Variants in RETREG1 observed in about 807,000 individuals in gnomAD.
The protein encoded by RETREG1 is reticulophagy regulator 1, also known as family with sequence similarity 134 member B.
In RETREG1, 44 loss-of-function variants were observed where a neutral mutation model predicts 54.8. That is an observed-to-expected ratio of 0.80 (90% CI 0.63 to 1.03). RETREG1 has a LOEUF of 1.03. Among genes scored for constraint, RETREG1 ranks in the 50% least tolerant of loss-of-function variants. RETREG1 has a pLI of 0.00. For missense variants in RETREG1, 554 were observed against 605.1 expected (o/e 0.92, Z 0.89); for synonymous variants, 217 against 238.5 (o/e 0.91, Z 0.83).
chr5:16,603,807 C>A (rs1743111467), intron 1 of RETREG1, among the ~76,000 whole-genome samples: 2 of 152,096 alleles, frequency 1.3e-5, no homozygotes, highest in Non-Finnish European at 1.5e-5. Flanking sequence ...CAGCTAAGAA[C>A]AGGCCAGAGC....
chr5:16,481,190 T>A, intron 4 of RETREG1, 97 bp from the exon 5 acceptor site: 1 of 922,496 alleles, frequency 1.1e-6, no homozygotes, highest in Non-Finnish European at 1.7e-6. Flanking sequence ...TAGTGACCGG[T>A]ATAAGTGACC....
intron 1 of RETREG1, among the ~76,000 whole-genome samples, chr5:16,608,626 C>G (rs547719937): frequency 1.3e-5 from 2 of 152,314 alleles, no homozygotes; most frequent in South Asian, 4.1e-4. Flanking sequence ...GTCTCCTAAA[C>G]CAGTGGGTAG....
intron 3 of RETREG1, among the ~76,000 whole-genome samples, chr5:16,544,275 C>T (rs1382379528): frequency 6.6e-6 from 1 of 152,148 alleles, no homozygotes; most frequent in Non-Finnish European, 1.5e-5. Flanking sequence ...CATGCCCAGC[C>T]TATTGCCAAG....
chr5:16,496,176 C>G (rs982057598), intron 3 of RETREG1, among the ~76,000 whole-genome samples: 2 of 152,112 alleles, frequency 1.3e-5, no homozygotes, highest in African/African-American at 4.8e-5. Context: ...ATGCATTTGA[C>G]TTAATTTTCA....
chr5:16,606,737 T>C (rs978942649), intron 1 of RETREG1, among the ~76,000 whole-genome samples: 5 of 152,068 alleles, frequency 3.3e-5, no homozygotes, highest in African/African-American at 1.2e-4. Context: ...CCAACCCCAC[T>C]TACCTTGGCT....
chr5:16,515,562 T>C (rs1434943030), intron 3 of RETREG1, among the ~76,000 whole-genome samples: 2 of 152,164 alleles, frequency 1.3e-5, no homozygotes, highest in Non-Finnish European at 2.9e-5. Flanking sequence ...TTTCTAGCAA[T>C]AACTCACTTG....
At chr5:16,513,385 G>T (rs151052893) in intron 3 of RETREG1, among the ~76,000 whole-genome samples, 36 of 152,304 alleles carry the variant, frequency 2.4e-4, no homozygotes, top group Non-Finnish European at 4.9e-4. Context: ...AAGGCAAATG[G>T]ACACATGTCT....
intron 3 of RETREG1, among the ~76,000 whole-genome samples, chr5:16,540,259 T>C (rs954687329): frequency 3.9e-5 from 6 of 152,260 alleles, no homozygotes; most frequent in African/African-American, 9.6e-5. Context: ...ATCCTATTGA[T>C]GCAGTTGAAG....
chr5:16,476,537 T>C (rs953738767), intron 8 of RETREG1, among the ~76,000 whole-genome samples: 2 of 152,136 alleles, frequency 1.3e-5, no homozygotes, highest in African/African-American at 4.8e-5. Context: ...AAAGAAAATG[T>C]GGTACACATA....
chr5:16,512,813 A>G (rs1181471776), intron 3 of RETREG1, among the ~76,000 whole-genome samples: 93 of 152,300 alleles, frequency 6.1e-4, no homozygotes, highest in Non-Finnish European at 1.9e-4. Flanking sequence ...TGTTGGAGCC[A>G]AATGAGGCCT....
chr5:16,492,082 C>G (rs896698062), intron 3 of RETREG1, among the ~76,000 whole-genome samples: 3 of 151,992 alleles, frequency 2.0e-5, no homozygotes, highest in African/African-American at 7.3e-5. Context: ...TGGGCCCTGA[C>G]GAATATCCAA....
At chr5:16,496,163 C>G (rs1739448509) in intron 3 of RETREG1, among the ~76,000 whole-genome samples, 1 of 152,180 alleles carries the variant, frequency 6.6e-6, no homozygotes, top group Non-Finnish European at 1.5e-5. Context: ...CTTACTCTCT[C>G]CAATGCATTT....
rs1579587348 is a variant in RETREG1, at chr5:16,483,120, T to C, written c.585+226A>G. The stretch of plus-strand genomic sequence containing the variant: ...TTTTAGCTAATGAGCTAGATAAATA[T>C]ATATAAAATGTAAAACCAATCCAAT... On this transcript the variant is annotated intron_variant, in intron 4 of 8. Transcript: ENST00000306320. 1.7e-5 allele frequency: 9 copies of C among 524,828 alleles called. No homozygotes were observed. In the East Asian group the frequency reaches 2.0e-4, roughly 12 times the overall value. 32.5% of individuals were successfully genotyped at this position (524,828 alleles called of 1,614,324 possible). A position where few individuals can be genotyped will look rare whatever the true frequency, so the allele number is the denominator to read the frequency against.
intron 3 of RETREG1, among the ~76,000 whole-genome samples, chr5:16,518,849 T>C (rs1231711176): frequency 6.6e-6 from 1 of 152,190 alleles, no homozygotes; most frequent in Non-Finnish European, 1.5e-5. Context: ...AGTCTAAGAA[T>C]TTCCCATCTT....
At chr5:16,524,563 T>C (rs1740640113) in intron 3 of RETREG1, among the ~76,000 whole-genome samples, 1 of 152,218 alleles carries the variant, frequency 6.6e-6, no homozygotes, top group African/African-American at 2.4e-5. Context: ...GGATTCACGC[T>C]GCCAGACGCT....
chr5:16,503,977 G>T (rs1210574647), intron 3 of RETREG1, among the ~76,000 whole-genome samples: 1 of 152,110 alleles, frequency 6.6e-6, no homozygotes, highest in African/African-American at 2.4e-5. Context: ...TGCCATGATG[G>T]TCTGCTACAC....
At chr5:16,570,937 G>A (rs1273423307) in intron 2 of RETREG1, among the ~76,000 whole-genome samples, 1 of 152,176 alleles carries the variant, frequency 6.6e-6, no homozygotes, top group Non-Finnish European at 1.5e-5. Flanking sequence ...TTCACAGAAA[G>A]CACTAAGGGC....
intron 1 of RETREG1, among the ~76,000 whole-genome samples, chr5:16,606,028 C>A (rs1271850640): frequency 2.0e-5 from 3 of 152,144 alleles, no homozygotes; most frequent in Non-Finnish European, 4.4e-5. Context: ...CAGGAGCCAG[C>A]CTGAGAACCA....
rs184543943 is a variant in RETREG1 at position 16,473,571 on chromosome 5, T to C, written c.*1170A>G. The C allele has an allele frequency of 7.9e-5, 12 of 152,706 alleles. No homozygotes were observed. In the East Asian group the frequency reaches 2.3e-3, roughly 29 times the overall value. The allele number at this position is 152,706 out of a possible 1,614,324, so 9.5% of individuals were successfully genotyped here. A position where few individuals can be genotyped will look rare whatever the true frequency, so the allele number is the denominator to read the frequency against. ...TTTTGGTAGTTGCTGGCATGGTCCCTCGACACTTAAAGTTTATATCACAAA... is the reference window on the plus strand; with the variant it reads ...TTTTGGTAGTTGCTGGCATGGTCCCCCGACACTTAAAGTTTATATCACAAA... On this transcript the variant is annotated 3_prime_UTR_variant, in exon 9 of 9. Coordinates refer to ENST00000306320, the MANE Select transcript of RETREG1 (RefSeq NM_001034850.3).
Sources: allele counts gnomAD v4.1 joint callset (sites outside exome capture counted in the v4.1 genomes callset), GRCh38; gene constraint gnomAD v4.1.1; transcripts MANE v1.5; gene names NCBI Gene and HGNC (gene_info 2026-07-23, HGNC 2026-07-21).